NUB1: variants seen among roughly 807,000 people sequenced by gnomAD.
NUB1 encodes negative regulator of ubiquitin like proteins 1, also known as NEDD8 ultimate buster 1.
Under a neutral mutation model 77.1 loss-of-function variants are expected in NUB1, and 41 were observed. The observed-to-expected ratio is 0.53, with a 90% CI of 0.41 to 0.69. The LOEUF is 0.69. NUB1 is among the 30% of genes least tolerant of loss of function. NUB1 has a pLI of 0.00. For synonymous variants in NUB1, 257 were observed against 281.0 expected (o/e 0.91, Z 0.85); for missense variants, 643 against 743.8 (o/e 0.86, Z 1.58).
chr7:151,352,317 T>G lies in NUB1; in HGVS notation c.345-495T>G, dbSNP rs1426127678. On this transcript the variant is annotated intron_variant, in intron 4 of 14. Coordinates refer to ENST00000568733, the MANE Select transcript of NUB1 (RefSeq NM_001243351.2). ...CGGAAAGTTTAAAAAGGACCTTGTC[T>G]CCTACAGTTTCAAATAGCCGTCTAG... 2.1e-5 allele frequency: 7 copies of G among 340,300 alleles called. No individual in the cohort carries two copies. In the Admixed American group the frequency reaches 2.6e-4, roughly 13 times the overall value. The allele number at this position is 340,300 out of a possible 1,614,324, so 21.1% of individuals were successfully genotyped here.
At chr7:151,361,731 C>CT (rs1434640609) in intron 8 of NUB1, among the ~76,000 whole-genome samples, 1 of 151,994 alleles carries the variant, frequency 6.6e-6, no homozygotes, top group African/African-American at 2.4e-5. Context: ...CAAGTCCCAA[C>CT]TTTAACGTAC....
At chr7:151,351,089 G>A (rs772054194) in intron 3 of NUB1, 5 of 280,436 alleles carry the variant, frequency 1.8e-5, no homozygotes, top group Non-Finnish European at 3.4e-5. Context: ...GCCAGGGGCT[G>A]GGGGGCAAAG....
intron 8 of NUB1, among the ~76,000 whole-genome samples, chr7:151,364,454 CAAAA>C (rs1238208476): frequency 1.4e-5 from 2 of 142,438 alleles, no homozygotes; most frequent in Non-Finnish European, 3.0e-5. Flanking sequence ...AAAAAAAAAA[CAAAA>C]AAACTGTAAG....
chr7:151,371,455 G>A (rs1365296552), intron 11 of NUB1, among the ~76,000 whole-genome samples: 1 of 145,934 alleles, frequency 6.9e-6, no homozygotes, highest in East Asian at 2.1e-4. Context: ...AGCTTCTTGT[G>A]ATTGGGCAGC....
chr7:151,347,037 T>G (rs1198268586), intron 2 of NUB1, among the ~76,000 whole-genome samples: 1 of 152,166 alleles, frequency 6.6e-6, no homozygotes, highest in Non-Finnish European at 1.5e-5. Flanking sequence ...GGTGTCAGAA[T>G]TGGCTGGTGA....
intron 13 of NUB1, chr7:151,376,164 T>G: frequency 3.8e-6 from 2 of 529,756 alleles, no homozygotes; most frequent in Non-Finnish European, 6.8e-6. Flanking sequence ...GTCAGGAAGT[T>G]CTCTTTAGGT....
In NUB1 at chr7:151,342,789, C is replaced by T. The variant is rs759885139; in HGVS notation, c.-3+943C>T. Among the ~76,000 whole-genome samples the T allele has an allele frequency of 4.7e-4, 71 of 152,240 alleles. 1 individual carries two copies. Among genetic ancestry groups the T allele is most frequent in the Non-Finnish European group, 8.4e-4 (57 of 68,008 alleles). ...ACGCACTGGGTTTGTAACACTCCTT[C>T]GTCCTTCTGTCAAGTGGTGGCTTGG... On this transcript the variant is annotated intron_variant, in intron 1 of 14. Transcript: ENST00000568733.
In NUB1 at chr7:151,375,902, G is replaced by A. The variant is rs745872738; in HGVS notation, c.1450G>A (p.Asp484Asn). Residue 484 changes from aspartate to asparagine, a missense_variant, in exon 13 of 15, where the codon GAC becomes AAC. Coordinates refer to ENST00000568733, the MANE Select transcript of NUB1 (RefSeq NM_001243351.2). ...GTTAAATGATTCCAATCCTGAAACC[G>A]ACAACCGTCAAGAAAGTCCTTCCCA... The part of the protein sequence containing the change: ...WWLNDSNPET[D>N]NRQESPSQEN... 9.9e-6 allele frequency: 16 copies of A among 1,613,178 alleles called. No homozygotes were observed. The highest frequency in any genetic ancestry group is 4.4e-5 in the South Asian group (4 of 91,030).
In NUB1 at chr7:151,376,008, G is replaced by C. The variant is rs926790466; in HGVS notation, c.1491+65G>C. The C allele has an allele frequency of 4.1e-6, 4 of 985,392 alleles. No homozygotes were observed. In the African/African-American group the frequency reaches 6.4e-5, roughly 16 times the overall value. 61.0% of individuals were successfully genotyped at this position (985,392 alleles called of 1,614,324 possible). ...CGGGTGGGGTTGCTTGGGGTAACCC[G>C]GGTGAATCAGGCAGCAGGACTGGGG... On this transcript the variant is annotated intron_variant, in intron 13 of 14. Transcript: ENST00000568733.
chr7:151,360,779 T>G (rs1797338985), intron 8 of NUB1: 1 of 149,966 alleles, frequency 6.7e-6, no homozygotes, highest in African/African-American at 2.5e-5. Flanking sequence ...TCACCACAGG[T>G]GCACATCACC....
intron 5 of NUB1, among the ~76,000 whole-genome samples, chr7:151,353,382 G>A (rs1041254280): frequency 3.3e-5 from 5 of 152,148 alleles, no homozygotes; most frequent in African/African-American, 1.2e-4. Context: ...TGAATTCCCA[G>A]GAGACATTTG....
chr7:151,376,083 C>A, intron 13 of NUB1, 140 bp downstream of exon 13: 1 of 655,458 alleles, frequency 1.5e-6, no homozygotes, highest in Admixed American at 2.2e-5. Context: ...AACCTGCCCA[C>A]CTCAGAGGCC....
intron 1 of NUB1, among the ~76,000 whole-genome samples, chr7:151,343,195 G>C (rs768566097): frequency 6.6e-6 from 1 of 152,200 alleles, no homozygotes; most frequent in African/African-American, 2.4e-5. Flanking sequence ...GTGATAAGCC[G>C]TTTGTCAGTG....
chr7:151,366,405 T>C (rs1252847102), intron 8 of NUB1, among the ~76,000 whole-genome samples: 1 of 152,124 alleles, frequency 6.6e-6, no homozygotes. Flanking sequence ...AAAGAAGTGG[T>C]GTTCAGCCCT....
intron 4 of NUB1, 26 bp from the exon 5 acceptor site, chr7:151,352,786 C>T (rs1796878674): frequency 7.1e-7 from 1 of 1,403,914 alleles, no homozygotes; most frequent in Non-Finnish European, 1.0e-6. Flanking sequence ...TGTTTTCCTA[C>T]AATTTTCACT....
At chr7:151,347,883 C>T (rs1308992789) in intron 2 of NUB1, among the ~76,000 whole-genome samples, 1 of 152,070 alleles carries the variant, frequency 6.6e-6, no homozygotes, top group East Asian at 1.9e-4. Context: ...TTAATGAAAC[C>T]TTGACCTTTA....
rs567952492 is a variant in NUB1 at position 151,374,189 on chromosome 7, C to T, written c.1341C>T (p.His447=). 1.0e-5 allele frequency: 16 copies of T among 1,573,178 alleles called. No individual in the cohort carries two copies. Among genetic ancestry groups the T allele is most frequent in the East Asian group, 4.7e-5 (2 of 42,278 alleles). ...RFLKGMGYST[H]AAQQVLHAAS... is the part of the protein sequence containing the mutation. ...TGAAAGGGATGGGCTACTCCACGCACGCGGCCCAGCAGGTACTCCACGCAG... is the reference window on the plus strand; with the variant it reads ...TGAAAGGGATGGGCTACTCCACGCATGCGGCCCAGCAGGTACTCCACGCAG... Residue 447 remains histidine (H), a synonymous_variant, in exon 12 of 15, where the codon CAC becomes CAT. Transcript: ENST00000568733.
chr7:151,366,981 C>T lies in NUB1; in HGVS notation c.843C>T (p.Ala281=), dbSNP rs753380109. Residue 281 remains alanine (A), a synonymous_variant, in exon 9 of 15, where the codon GCC becomes GCT. Transcript: ENST00000568733. ...RELLDTVDNY[A]VLQLDIVWCY... is the part of the protein sequence containing the mutation. ...TGCTGGACACAGTGGATAACTACGC[C>T]GTCCTCCAGCTGGATATAGTGTGGT... The T allele has an allele frequency of 1.2e-5, 20 of 1,613,144 alleles. No homozygotes were observed. Among genetic ancestry groups the T allele is most frequent in the Admixed American group, 6.7e-5 (4 of 59,926 alleles).
At chr7:151,364,338 A>G (rs1173424600) in intron 8 of NUB1, among the ~76,000 whole-genome samples, 43 of 148,184 alleles carry the variant, frequency 2.9e-4, no homozygotes, top group Non-Finnish European at 4.8e-4. Flanking sequence ...GGAGAATGGC[A>G]GGAACCCGGG....
Sources: gnomAD v4.1 joint callset for allele counts (sites outside exome capture counted in the v4.1 genomes callset) on GRCh38, gnomAD v4.1.1 for gene constraint, MANE v1.5 for transcripts, NCBI Gene and HGNC (gene_info 2026-07-23, HGNC 2026-07-21) for gene names.